The following THEMIS variants were observed in gnomAD, a reference collection of about 807,000 sequenced individuals.
The protein encoded by THEMIS is thymocyte selection associated, also known as protein THEMIS.
In THEMIS, 37 loss-of-function variants were observed where a neutral mutation model predicts 52.6. That is an observed-to-expected ratio of 0.70 (90% CI 0.54 to 0.93). The LOEUF (loss-of-function observed/expected upper bound fraction) is 0.93, where lower values mean the gene tolerates loss of function less well. Among genes scored for constraint, THEMIS ranks in the 40% least tolerant of loss-of-function variants. The pLI, the probability that THEMIS is intolerant of heterozygous loss-of-function variation, is 0.00. For missense variants in THEMIS, 808 were observed against 763.1 expected (o/e 1.06, Z -0.69); for synonymous variants, 292 against 272.7 (o/e 1.07, Z -0.70).
intron 1 of THEMIS, among the ~76,000 whole-genome samples, chr6:127,889,172 A>C (rs561998477): frequency 6.6e-6 from 1 of 152,232 alleles, no homozygotes; most frequent in South Asian, 2.1e-4. Context: ...AATATGTTTA[A>C]TTATGAACTG....
chr6:127,783,328 G>A lies in THEMIS; in HGVS notation c.1758+29555C>T, dbSNP rs530689521. 2.6e-5 allele frequency among the ~76,000 whole-genome samples: 4 copies of A among 152,210 alleles called. 1 individual carries two copies. The highest frequency in any genetic ancestry group is 9.6e-5 in the African/African-American group (4 of 41,528). ...CAATACCATTCAGGACATAGGCATG[G>A]GCAACGACTTCATGACTAAAACACC... On this transcript the variant is annotated intron_variant, in intron 4 of 5. Coordinates refer to ENST00000368248, the MANE Select transcript of THEMIS (RefSeq NM_001010923.3).
chr6:127,741,771 G>A (rs1404578589), intron 4 of THEMIS, among the ~76,000 whole-genome samples: 2 of 152,184 alleles, frequency 1.3e-5, no homozygotes, highest in Non-Finnish European at 2.9e-5. Context: ...AATGGGTCAA[G>A]GTTACATGAG....
intron 1 of THEMIS, chr6:127,909,969 C>G (rs1048071386): frequency 6.6e-6 from 1 of 152,036 alleles, no homozygotes; most frequent in Non-Finnish European, 1.5e-5. Flanking sequence ...AGTCATAGAT[C>G]CAGTAACAGA....
At position 127,813,555 on chromosome 6, in the gene THEMIS, C is replaced by T. The variant is rs141862398; in HGVS notation, c.1086G>A (p.Lys362=). 71 of 1,613,420 alleles carry T rather than the reference C, an allele frequency of 4.4e-5. No individual in the cohort carries two copies. The African/African-American group carries it at 8.7e-4, about 20-fold the overall frequency. The change falls in exon 4 of 6, where the codon AAG becomes AAA. Residue 362 remains lysine, a synonymous_variant. Transcript: ENST00000368248. ...TGGTGGCCACCACGTGAAGAGGCTC[C>T]TTTTCACTCTTAGCGATCTCTAGGT... ...AYDLEIAKSE[K]EPLHVVATKA...
At chr6:127,889,702 G>A (rs528005818) in intron 1 of THEMIS, among the ~76,000 whole-genome samples, 23 of 144,442 alleles carry the variant, frequency 1.6e-4, no homozygotes, top group African/African-American at 3.4e-4. Context: ...TCTCTGCATC[G>A]GATAGTCATA....
intron 4 of THEMIS, among the ~76,000 whole-genome samples, chr6:127,779,669 T>C (rs1033924256): frequency 6.6e-6 from 1 of 152,166 alleles, no homozygotes. Context: ...AAGCTCAAAA[T>C]TCATTTTTAT....
At chr6:127,770,043 T>C (rs1270941046) in intron 4 of THEMIS, among the ~76,000 whole-genome samples, 1 of 152,252 alleles carries the variant, frequency 6.6e-6, no homozygotes, top group Non-Finnish European at 1.5e-5. Flanking sequence ...TTGAGTTGGT[T>C]CCAAGTCGTT....
At chr6:127,825,115 T>C (rs964934294) in intron 3 of THEMIS, among the ~76,000 whole-genome samples, 1 of 151,870 alleles carries the variant, frequency 6.6e-6, no homozygotes, top group African/African-American at 2.4e-5. Flanking sequence ...ATGAAAATTT[T>C]CCCTGGAGGT....
At chr6:127,792,015 C>T (rs1409073010) in intron 4 of THEMIS, among the ~76,000 whole-genome samples, 3 of 152,312 alleles carry the variant, frequency 2.0e-5, no homozygotes, top group Non-Finnish European at 2.9e-5. Context: ...GCTGGCTGCT[C>T]TGCCACAGCT....
intron 2 of THEMIS, among the ~76,000 whole-genome samples, chr6:127,850,980 T>C: frequency 6.6e-6 from 1 of 151,498 alleles, no homozygotes; most frequent in East Asian, 1.9e-4. Flanking sequence ...TTAAAATATA[T>C]ACAAAGAACT....
rs80101884 is a variant in THEMIS, at chr6:127,845,916, G to A, written c.250+9114C>T. Among the ~76,000 whole-genome samples the A allele has an allele frequency of 1.8e-4, 27 of 151,964 alleles. 1 individual carries two copies. In the East Asian group the frequency reaches 2.9e-3, roughly 16 times the overall value. ...CACATGCCCAGGACTGTTTGCATACGCAAGAAAGACCCACAAAAGCCCTCA... is the reference window on the plus strand; with the variant it reads ...CACATGCCCAGGACTGTTTGCATACACAAGAAAGACCCACAAAAGCCCTCA... On this transcript the variant is annotated intron_variant, in intron 2 of 5. Transcript: ENST00000368248.
intron 3 of THEMIS, among the ~76,000 whole-genome samples, chr6:127,827,634 TA>T (rs1167758533): frequency 6.6e-6 from 1 of 152,208 alleles, no homozygotes; most frequent in East Asian, 1.9e-4. Flanking sequence ...TTCCATCCAG[TA>T]GATCAAGCCA....
chr6:127,866,802 G>T (rs989885672), intron 1 of THEMIS, among the ~76,000 whole-genome samples: 8 of 151,670 alleles, frequency 5.3e-5, no homozygotes, highest in East Asian at 1.9e-4. Flanking sequence ...AAAGCCAAAA[G>T]ATCCCTTTTC....
At chr6:127,869,212 A>G (rs984436149) in intron 1 of THEMIS, among the ~76,000 whole-genome samples, 2 of 152,216 alleles carry the variant, frequency 1.3e-5, no homozygotes, top group African/African-American at 4.8e-5. Flanking sequence ...AAATAAACCC[A>G]TCATAAGTTA....
chr6:127,829,308 T>A lies in THEMIS; in HGVS notation c.709+168A>T, dbSNP rs559980180. On this transcript the variant is annotated intron_variant, in intron 3 of 5. Transcript: ENST00000368248. ...CTTGTATATTCATTATTCAATATGA[T>A]CTTTTGAGCAAATATATGGTTTGCT... Among the ~76,000 whole-genome samples the A allele has an allele frequency of 1.4e-4, 22 of 152,328 alleles. 1 individual carries two copies. In the East Asian group the frequency reaches 3.7e-3, roughly 25 times the overall value.
At chr6:127,901,342 TATAGGACTA>T (rs139399147), upstream of THEMIS, among the ~76,000 whole-genome samples, 37 of 152,230 alleles carry the variant, frequency 2.4e-4, 1 homozygote, top group East Asian at 3.7e-3. Flanking sequence ...AGAACAGGAA[TATAGGACTA>T]AAGTCTAATC....
chr6:127,740,845 A>G (rs1262109807), intron 4 of THEMIS, among the ~76,000 whole-genome samples: 1 of 152,194 alleles, frequency 6.6e-6, no homozygotes, highest in Non-Finnish European at 1.5e-5. Flanking sequence ...TTTAGGGGAC[A>G]TTTTGTGACA....
At chr6:127,902,689 C>A (rs902436327), upstream of THEMIS, among the ~76,000 whole-genome samples, 2 of 152,068 alleles carry the variant, frequency 1.3e-5, no homozygotes, top group Non-Finnish European at 2.9e-5. Context: ...TCATTAGATT[C>A]AAATTCCTCA....
chr6:127,853,542 T>C (rs748056316), intron 2 of THEMIS, among the ~76,000 whole-genome samples: 11 of 151,636 alleles, frequency 7.3e-5, no homozygotes, highest in Non-Finnish European at 1.5e-4. Flanking sequence ...GTGGAAAGTT[T>C]CATTTGAAAG....
Sources: gnomAD v4.1 joint callset for allele counts (sites outside exome capture counted in the v4.1 genomes callset) on GRCh38, gnomAD v4.1.1 for gene constraint, MANE v1.5 for transcripts, NCBI Gene and HGNC (gene_info 2026-07-23, HGNC 2026-07-21) for gene names.